ERCC6L2: variants seen among roughly 807,000 people sequenced by gnomAD.
ERCC6L2 encodes ERCC excision repair 6 like 2.
ERCC6L2 carries 77 observed loss-of-function variants against 132.0 expected under a neutral mutation model. The ratio of observed to expected loss-of-function variants is 0.58; its 90% CI spans 0.49 to 0.71. ERCC6L2 has a LOEUF of 0.71. Ranked by LOEUF, ERCC6L2 falls within the 30% of genes least tolerant of loss-of-function variation. The pLI is 0.00. For synonymous variants in ERCC6L2, 583 were observed against 632.4 expected, an observed-to-expected ratio of 0.92 and a Z score of 1.17; for missense variants, 1,542 against 1,837.6, an observed-to-expected ratio of 0.84 and a Z score of 2.94.
intron 17 of ERCC6L2, among the ~76,000 whole-genome samples, chr9:95,983,445 A>G (rs1832967800): frequency 6.6e-6 from 1 of 152,250 alleles, no homozygotes; most frequent in Non-Finnish European, 1.5e-5. Flanking sequence ...CACAAGATCT[A>G]AATAGTTAAA....
intron 2 of ERCC6L2, among the ~76,000 whole-genome samples, chr9:95,884,589 T>C (rs1380445113): frequency 6.6e-6 from 1 of 152,156 alleles, no homozygotes; most frequent in Non-Finnish European, 1.5e-5. Flanking sequence ...TTAAAGCTTG[T>C]TTTACATACC....
At chr9:95,883,882 G>A (rs939955121) in intron 2 of ERCC6L2, among the ~76,000 whole-genome samples, 1 of 152,058 alleles carries the variant, frequency 6.6e-6, no homozygotes. Context: ...AGAAACATGA[G>A]GGTACTACAT....
rs182843027 is a variant in ERCC6L2 at position 95,987,701 on chromosome 9, T to C, written c.3492+9486T>C. ...CATGCTCTCAGTGGATCTACCATTATGGGGCCTGGAGTATGGTGGCCCTCT... is the reference window on the plus strand; with the variant it reads ...CATGCTCTCAGTGGATCTACCATTACGGGGCCTGGAGTATGGTGGCCCTCT... On this transcript the variant is annotated intron_variant, in intron 17 of 18. Coordinates refer to ENST00000653738, the MANE Select transcript of ERCC6L2 (RefSeq NM_020207.7). 4.0e-3 allele frequency among the ~76,000 whole-genome samples: 613 copies of C among 152,294 alleles called. 2 individuals carry two copies. Among genetic ancestry groups the C allele is most frequent in the African/African-American group, 0.014 (585 of 41,562 alleles).
chr9:95,895,849 C>T (rs914496719), intron 2 of ERCC6L2, among the ~76,000 whole-genome samples: 1 of 151,906 alleles, frequency 6.6e-6, no homozygotes, highest in Non-Finnish European at 1.5e-5. Context: ...GCCTCAGCCT[C>T]CCGAATAGCT....
rs764696219 is a variant in ERCC6L2 at position 96,012,435 on chromosome 9, G to A, written c.3885G>A (p.Lys1295=). The change falls in exon 19 of 19, where the codon AAG becomes AAA. Residue 1295 remains lysine, a synonymous_variant. Coordinates refer to ENST00000653738, the MANE Select transcript of ERCC6L2 (RefSeq NM_020207.7). ...AGAAAGGAGAGCAGCGCACCCGGAA[G>A]AAATCTGATAAAAGAGAATCTCTTA... ...SFEKGEQRTR[K]KSDKRESLIK... 7.3e-7 allele frequency: 1 copy of A among 1,364,816 alleles called. No homozygotes were observed. Among genetic ancestry groups the A allele is most frequent in the East Asian group, 4.6e-5 (1 of 21,946 alleles). 84.5% of individuals were successfully genotyped at this position (1,364,816 alleles called of 1,614,324 possible). A position where few individuals can be genotyped will look rare whatever the true frequency, so the allele number is the denominator to read the frequency against.
chr9:95,930,124 A>T (rs1830272631), intron 11 of ERCC6L2, among the ~76,000 whole-genome samples: 1 of 151,838 alleles, frequency 6.6e-6, no homozygotes, highest in Non-Finnish European at 1.5e-5. Context: ...GCTCTTGCTT[A>T]TGGTTGATAG....
Position 95,972,275 on chromosome 9 carries a change from T to C in ERCC6L2, c.2524T>C (p.Ser842Pro), listed in dbSNP as rs1442994230. 1 of 1,303,560 alleles carries C rather than the reference T, an allele frequency of 7.7e-7. No homozygotes were observed. 80.7% of individuals were successfully genotyped at this position (1,303,560 alleles called of 1,614,324 possible). The change falls in exon 16 of 19, where the codon TCT (serine) becomes CCT (proline). Residue 842 changes from serine (S) to proline (P), a missense_variant. Ser to Pro is a moderately conservative substitution (Grantham distance 74). This residue lies in a region of ERCC6L2 where 945 missense variants were observed against 1,105.2 expected (regional missense o/e 0.86). Transcript: ENST00000653738. ...TGCTGGTTGTGAGAAAAATCAGGAC[T>C]CTCTTGGTACTTCAAAACATCAGAA... ...KDAGCEKNQD[S>P]LGTSKHQKLD... is the part of the protein sequence containing the mutation.
intron 12 of ERCC6L2, among the ~76,000 whole-genome samples, chr9:95,946,087 A>G (rs1029950514): frequency 1.3e-5 from 2 of 152,198 alleles, no homozygotes; most frequent in African/African-American, 4.8e-5. Flanking sequence ...ATAGAATTCA[A>G]GACAAAAGGC....
chr9:95,982,736 A>G (rs905818489), intron 17 of ERCC6L2, among the ~76,000 whole-genome samples: 8 of 152,100 alleles, frequency 5.3e-5, no homozygotes, highest in Middle Eastern at 3.2e-3. Context: ...AAATTATGTG[A>G]CTGGTATTGA....
intron 9 of ERCC6L2, among the ~76,000 whole-genome samples, chr9:95,924,651 T>A (rs1163052762): frequency 1.3e-5 from 2 of 152,104 alleles, no homozygotes; most frequent in Admixed American, 1.3e-4. Context: ...GTCTTGAAAT[T>A]AAGTTTTATA....
chr9:95,955,287 T>G (rs1389527099), intron 12 of ERCC6L2, among the ~76,000 whole-genome samples: 1 of 152,214 alleles, frequency 6.6e-6, no homozygotes, highest in Non-Finnish European at 1.5e-5. Flanking sequence ...TACAGTTGAT[T>G]AATTACTTTT....
intron 16 of ERCC6L2, among the ~76,000 whole-genome samples, chr9:95,976,159 G>A (rs1041685232): frequency 1.3e-5 from 2 of 152,130 alleles, no homozygotes; most frequent in South Asian, 2.1e-4. Flanking sequence ...ACAGAGATCC[G>A]TATGTTATTT....
chr9:95,972,818 A>G lies in ERCC6L2; in HGVS notation c.3067A>G (p.Thr1023Ala). Residue 1023 changes from threonine (T) to alanine (A), a missense_variant, in exon 16 of 19, where the codon ACA becomes GCA. Thr to Ala is a moderately conservative substitution (Grantham distance 58). Coordinates refer to ENST00000653738, the MANE Select transcript of ERCC6L2 (RefSeq NM_020207.7). ...CAATTCTCCCAAAACAATGAACAAAACAAACCAAGTGTATGCAGCAAATGA... is the reference window on the plus strand; with the variant it reads ...CAATTCTCCCAAAACAATGAACAAAGCAAACCAAGTGTATGCAGCAAATGA... ...LHNSPKTMNKTNQVYAANEDH... is the reference protein window; with the variant it reads ...LHNSPKTMNKANQVYAANEDH... 7.7e-7 allele frequency: 1 copy of G among 1,304,848 alleles called. No homozygotes were observed. Among genetic ancestry groups the G allele is most frequent in the Non-Finnish European group, 1.0e-6 (1 of 988,930 alleles). 80.8% of individuals were successfully genotyped at this position (1,304,848 alleles called of 1,614,324 possible). A position where few individuals can be genotyped will look rare whatever the true frequency, so the allele number is the denominator to read the frequency against.
intron 4 of ERCC6L2, among the ~76,000 whole-genome samples, chr9:95,907,850 CA>C (rs1829137853): frequency 2.7e-5 from 4 of 150,204 alleles, no homozygotes; most frequent in Admixed American, 1.3e-4. Flanking sequence ...CACACACACA[CA>C]CACACCCCCA....
intron 12 of ERCC6L2, among the ~76,000 whole-genome samples, chr9:95,953,746 T>A (rs1831459792): frequency 6.6e-6 from 1 of 152,008 alleles, no homozygotes; most frequent in Non-Finnish European, 1.5e-5. Context: ...TATTACATTA[T>A]TAAGATAAAA....
intron 6 of ERCC6L2, chr9:95,918,467 T>A: frequency 2.0e-6 from 1 of 489,624 alleles, no homozygotes; most frequent in Non-Finnish European, 4.1e-6. Context: ...GTCCTGCAGG[T>A]CTGTTGGCTC....
At position 95,915,659 on chromosome 9, in the gene ERCC6L2, A is replaced by G. The variant is rs978277353; in HGVS notation, c.789-9A>G. On this transcript the variant is annotated splice_polypyrimidine_tract_variant and intron_variant, in intron 4 of 18. Coordinates refer to ENST00000653738, the MANE Select transcript of ERCC6L2 (RefSeq NM_020207.7). ...CTCAACCTCACCCTTCTTTTTTCTT[A>G]CTTTATAGTTTGGAATGGTCAGCTG... 6.3e-7 allele frequency: 1 copy of G among 1,597,388 alleles called. No homozygotes were observed. The highest frequency in any genetic ancestry group is 8.5e-7 in the Non-Finnish European group (1 of 1,173,962).
chr9:96,029,303 C>CAA (rs201014094), intron 19 of ERCC6L2, among the ~76,000 whole-genome samples: 2,783 of 81,568 alleles, frequency 0.034, 74 homozygotes, highest in Middle Eastern at 0.065. Flanking sequence ...GACTCCGTCT[C>CAA]AAAAAAAAAA....
Position 96,015,015 on chromosome 9 carries a change from GTTT to G in ERCC6L2, c.*1835_*1837del, listed in dbSNP as rs767745101. Among the ~76,000 whole-genome samples, 15 of 65,428 alleles carry G rather than the reference GTTT, an allele frequency of 2.3e-4. No individual in the cohort carries two copies. The highest frequency in any genetic ancestry group is 7.6e-4 in the Admixed American group (3 of 3,934). 42.9% of individuals were successfully genotyped at this position (65,428 alleles called of 152,430 possible). Reference sequence around the variant, plus strand: ...GCTCTATAGTCTTCATATATGTACAGTTTTTTTTTTTTTTTTTTTTTTTTTGAG... The same window carrying G: ...GCTCTATAGTCTTCATATATGTACAGTTTTTTTTTTTTTTTTTTTTTTGAG... On this transcript the variant is annotated 3_prime_UTR_variant, in exon 19 of 19. Coordinates refer to ENST00000653738, the MANE Select transcript of ERCC6L2 (RefSeq NM_020207.7).
Sources: allele counts gnomAD v4.1 joint callset (sites outside exome capture counted in the v4.1 genomes callset), GRCh38; gene constraint gnomAD v4.1.1; regional missense constraint gnomAD v4.1.1; transcripts MANE v1.5; gene names NCBI Gene and HGNC (gene_info 2026-07-23, HGNC 2026-07-21).